PCDH15: variants seen among roughly 807,000 people sequenced by gnomAD.
PCDH15 encodes protocadherin related 15.
A neutral mutation model predicts 178.5 loss-of-function variants in PCDH15; 129 were observed. The ratio of observed to expected loss-of-function variants is 0.72; its 90% CI spans 0.63 to 0.84. The LOEUF is 0.84. Among genes scored for constraint, PCDH15 ranks in the 40% least tolerant of loss-of-function variants. The pLI, the probability that PCDH15 is intolerant of heterozygous loss-of-function variation, is 0.00. For missense variants in PCDH15, 2,230 were observed against 2,099.9 expected, an observed-to-expected ratio of 1.06 and a Z score of -1.21; for synonymous variants, 800 against 732.0, an observed-to-expected ratio of 1.09 and a Z score of -1.50.
chr10:55,023,847 CTA>C (rs143032236), intron 2 of PCDH15, among the ~76,000 whole-genome samples: 17 of 144,796 alleles, frequency 1.2e-4, no homozygotes, highest in South Asian at 2.2e-4. Context: ...ATATATATGC[CTA>C]TATATATATA....
rs1020312113 is a variant in PCDH15 at position 55,210,596 on chromosome 10, A to AT, written c.-155-43946dup. On this transcript the variant is annotated intron_variant, in intron 1 of 5. Transcript: ENST00000458638. ...AAGCTAATTGAATTTGGCTCTCACG[A>AT]TTTTTTTTTCTTTTTTCTTTTCTTT... Among the ~76,000 whole-genome samples the AT allele has an allele frequency of 2.3e-3, 112 of 48,000 alleles. 1 individual carries two copies. The highest frequency in any genetic ancestry group is 2.6e-3 in the African/African-American group (32 of 12,088). 31.5% of individuals were successfully genotyped at this position (48,000 alleles called of 152,430 possible). A position where few individuals can be genotyped will look rare whatever the true frequency, so the allele number is the denominator to read the frequency against.
At chr10:55,131,961 C>T (rs954173989) in intron 2 of PCDH15, among the ~76,000 whole-genome samples, 1 of 152,128 alleles carries the variant, frequency 6.6e-6, no homozygotes, top group African/African-American at 2.4e-5. Context: ...CCCCAGGAGC[C>T]TGTCTGCATC....
At chr10:54,737,635 T>A in intron 1 of PCDH15, among the ~76,000 whole-genome samples, 1 of 152,264 alleles carries the variant, frequency 6.6e-6, no homozygotes, top group East Asian at 1.9e-4. Flanking sequence ...GGCCTCACTT[T>A]TTTTCATCTG....
chr10:54,010,005 T>C (rs1351638490), intron 20 of PCDH15, among the ~76,000 whole-genome samples: 1 of 152,126 alleles, frequency 6.6e-6, no homozygotes, highest in African/African-American at 2.4e-5. Flanking sequence ...GGCTGAGCAG[T>C]GAAACATTGC....
chr10:55,475,131 T>G (rs1181897757), intron 2 of PCDH15, among the ~76,000 whole-genome samples: 1 of 151,446 alleles, frequency 6.6e-6, no homozygotes, highest in Non-Finnish European at 1.5e-5. Context: ...GGGAGGGAGG[T>G]ACCAGGCTCT....
At chr10:54,442,931 C>T (rs1423822774) in intron 3 of PCDH15, among the ~76,000 whole-genome samples, 2 of 151,528 alleles carry the variant, frequency 1.3e-5, no homozygotes, top group Non-Finnish European at 3.0e-5. Flanking sequence ...CTTCCAACTT[C>T]TGAAGTATGC....
At chr10:54,040,269 G>C (rs921051765) in intron 18 of PCDH15, among the ~76,000 whole-genome samples, 1 of 151,922 alleles carries the variant, frequency 6.6e-6, no homozygotes, top group East Asian at 1.9e-4. Flanking sequence ...GACCTGGTGG[G>C]AGATAACTGA....
At chr10:55,330,838 A>ATG (rs71461291) in intron 2 of PCDH15, among the ~76,000 whole-genome samples, 71,803 of 144,384 alleles carry the variant, frequency 0.5, 19,093 homozygotes, top group East Asian at 0.76. Context: ...AGATTTATTT[A>ATG]TGTGTGTGTG....
chr10:55,342,075 T>C (rs1900477), intron 2 of PCDH15, among the ~76,000 whole-genome samples: 82,526 of 150,388 alleles, frequency 0.55, 23,168 homozygotes, highest in African/African-American at 0.66. Flanking sequence ...ATCAATCTTT[T>C]CATTTTATTT....
intron 11 of PCDH15, 86 bp from the exon 12 acceptor site, chr10:54,185,354 A>G: frequency 6.7e-7 from 1 of 1,483,136 alleles, no homozygotes; most frequent in Non-Finnish European, 9.4e-7. Context: ...TTTGAAATTT[A>G]TAGCAAAAAT....
chr10:54,829,706 G>C (rs1160479186), intron 3 of PCDH15, among the ~76,000 whole-genome samples: 1 of 151,904 alleles, frequency 6.6e-6, no homozygotes, highest in African/African-American at 2.4e-5. Flanking sequence ...GTGTTTCCTA[G>C]TTGTCTAACT....
chr10:55,204,704 T>G (rs887973823), intron 1 of PCDH15, among the ~76,000 whole-genome samples: 1 of 152,044 alleles, frequency 6.6e-6, no homozygotes, highest in Admixed American at 6.6e-5. Context: ...CAACATACAC[T>G]GCAAACAGTC....
chr10:55,489,966 T>C (rs1840376622), intron 2 of PCDH15, among the ~76,000 whole-genome samples: 1 of 151,628 alleles, frequency 6.6e-6, no homozygotes, highest in Non-Finnish European at 1.5e-5. Flanking sequence ...TCAAAAATTG[T>C]TTTTCTACCT....
intron 2 of PCDH15, among the ~76,000 whole-genome samples, chr10:55,039,785 G>A (rs74927703): frequency 0.015 from 2,293 of 152,208 alleles, 61 homozygotes; most frequent in African/African-American, 0.051. Context: ...ATGTTACAGC[G>A]TTTATAAATG....
chr10:53,920,971 TAAATA>T (rs2083948945), intron 25 of PCDH15, among the ~76,000 whole-genome samples: 1 of 152,212 alleles, frequency 6.6e-6, no homozygotes, highest in Admixed American at 6.5e-5. Context: ...TACAACATAT[TAAATA>T]ATTCATTTTT....
At chr10:55,259,902 CAAAAAAAAAA>C (rs749939571) in intron 1 of PCDH15, among the ~76,000 whole-genome samples, 16 of 51,986 alleles carry the variant, frequency 3.1e-4, no homozygotes, top group South Asian at 3.0e-3. Flanking sequence ...AACTCCGTCT[CAAAAAAAAAA>C]AAAAAAAAAA....
chr10:55,120,620 T>C (rs1335981561), intron 2 of PCDH15, among the ~76,000 whole-genome samples: 1 of 152,120 alleles, frequency 6.6e-6, no homozygotes, highest in African/African-American at 2.4e-5. Flanking sequence ...AAGAGAAAGA[T>C]GTGTTTTTAG....
intron 8 of PCDH15, among the ~76,000 whole-genome samples, chr10:54,242,750 T>C (rs572461641): frequency 6.6e-5 from 10 of 152,258 alleles, no homozygotes; most frequent in African/African-American, 2.4e-4. Flanking sequence ...GAGTAACGTA[T>C]ACATAGTAGT....
intron 2 of PCDH15, among the ~76,000 whole-genome samples, chr10:55,365,685 T>C (rs1277547232): frequency 2.0e-5 from 3 of 152,056 alleles, no homozygotes; most frequent in Admixed American, 1.3e-4. Flanking sequence ...GGAGTTCCCC[T>C]GCACAAGCTC....
Sources: allele counts gnomAD v4.1 joint callset (sites outside exome capture counted in the v4.1 genomes callset), GRCh38; gene constraint gnomAD v4.1.1; transcripts MANE v1.5; gene names NCBI Gene and HGNC (gene_info 2026-07-23, HGNC 2026-07-21).